Variants in KDM3A observed in about 807,000 individuals in gnomAD.
The protein encoded by KDM3A is lysine demethylase 3A, also known as lysine-specific demethylase 3A.
A neutral mutation model predicts 158.0 loss-of-function variants in KDM3A; 60 were observed. The observed-to-expected ratio is 0.38, with a 90% CI of 0.31 to 0.47. The LOEUF is 0.47. Among genes scored for constraint, KDM3A ranks in the 20% least tolerant of loss-of-function variants. The pLI, the probability that KDM3A is intolerant of heterozygous loss-of-function variation, is 0.99. For synonymous variants in KDM3A, 608 were observed against 549.3 expected (o/e 1.11, Z -1.49); for missense variants, 1,319 against 1,574.3 (o/e 0.84, Z 2.74).
intron 10 of KDM3A, among the ~76,000 whole-genome samples, chr2:86,469,397 G>C (rs912048900): frequency 6.6e-6 from 1 of 152,066 alleles, no homozygotes; most frequent in African/African-American, 2.4e-5. Context: ...GGTCTTTTCT[G>C]TTTTCTATGA....
chr2:86,475,445 T>C (rs1673619922), intron 12 of KDM3A, among the ~76,000 whole-genome samples: 1 of 152,132 alleles, frequency 6.6e-6, no homozygotes, highest in Non-Finnish European at 1.5e-5. Flanking sequence ...TGGAAATGAT[T>C]GTTAGAGTCA....
chr2:86,479,912 T>C (rs763643832), intron 15 of KDM3A: 6 of 495,320 alleles, frequency 1.2e-5, no homozygotes, highest in East Asian at 7.6e-5. Context: ...TAGGGATATG[T>C]ACCAGCAGGG....
intron 8 of KDM3A, among the ~76,000 whole-genome samples, chr2:86,461,069 AAATTGATTTC>A (rs143940077): frequency 0.14 from 21,739 of 152,078 alleles, 1,776 homozygotes; most frequent in African/African-American, 0.22. Context: ...CTCATCTCTA[AAATTGATTTC>A]AGCGCCAGGC....
chr2:86,463,944 T>C (rs921518886), intron 8 of KDM3A, 109 bp from the exon 9 acceptor site: 43 of 700,902 alleles, frequency 6.1e-5, no homozygotes, highest in Admixed American at 6.2e-5. Context: ...TATTTGGCAA[T>C]GGTATTATGT....
chr2:86,440,213 A>C (rs941136622), upstream of KDM3A, among the ~76,000 whole-genome samples: 1 of 152,214 alleles, frequency 6.6e-6, no homozygotes, highest in African/African-American at 2.4e-5. Flanking sequence ...AAAACTTAAA[A>C]TCACATTCAG....
chr2:86,451,691 G>T (rs1478729557), intron 4 of KDM3A, among the ~76,000 whole-genome samples: 1 of 152,080 alleles, frequency 6.6e-6, no homozygotes, highest in Non-Finnish European at 1.5e-5. Context: ...TATTGATGTT[G>T]ACTGCTCTAA....
intron 4 of KDM3A, among the ~76,000 whole-genome samples, chr2:86,454,795 T>C (rs1238747802): frequency 6.6e-6 from 1 of 152,222 alleles, no homozygotes; most frequent in East Asian, 1.9e-4. Flanking sequence ...TTTTTTCCCA[T>C]TGCCAAAGTT....
intron 1 of KDM3A, 24 bp from the exon 2 acceptor site, chr2:86,441,994 C>T (rs1323261291): frequency 6.3e-6 from 10 of 1,577,532 alleles, no homozygotes; most frequent in African/African-American, 4.1e-5. Context: ...GCCCCCGTCG[C>T]ATTTTGTTTT....
At chr2:86,464,242 T>G in intron 9 of KDM3A, 26 bp downstream of exon 9, 1 of 1,434,302 alleles carries the variant, frequency 7.0e-7, no homozygotes, top group East Asian at 2.5e-5. Context: ...TTAAAGATGT[T>G]TAATTATAAT....
chr2:86,466,966 T>C (rs910640733), intron 10 of KDM3A, 83 bp downstream of exon 10: 8 of 1,152,578 alleles, frequency 6.9e-6, no homozygotes, highest in Non-Finnish European at 9.6e-6. Flanking sequence ...TGAGAAACTA[T>C]GTGAAAATGA....
intron 10 of KDM3A, among the ~76,000 whole-genome samples, chr2:86,469,612 C>A (rs1379267878): frequency 2.0e-5 from 3 of 152,140 alleles, no homozygotes; most frequent in Admixed American, 6.5e-5. Flanking sequence ...TGCTCTTAAT[C>A]CTGCTTGGAC....
chr2:86,480,502 T>C, intron 16 of KDM3A, 140 bp downstream of exon 16: 1 of 717,520 alleles, frequency 1.4e-6, no homozygotes, highest in South Asian at 2.4e-5. Context: ...CAAATGAAAG[T>C]GTTTTTGAAA....
chr2:86,471,554 AC>A (rs1281405601), intron 11 of KDM3A, among the ~76,000 whole-genome samples: 1 of 152,110 alleles, frequency 6.6e-6, no homozygotes, highest in Non-Finnish European at 1.5e-5. Flanking sequence ...GGTTGGACTA[AC>A]TCTAATCATA....
Position 86,463,648 on chromosome 2 carries a change from A to G in KDM3A, c.844-405A>G, listed in dbSNP as rs924877447. ...TCCTATGTGGTCTGGTCTCCTGCCAAACTATGCAGTAAGTGCGTGGTGGGC... is the reference window on the plus strand; with the variant it reads ...TCCTATGTGGTCTGGTCTCCTGCCAGACTATGCAGTAAGTGCGTGGTGGGC... On this transcript the variant is annotated intron_variant, in intron 8 of 25. Transcript: ENST00000312912. Among the ~76,000 whole-genome samples the G allele has an allele frequency of 3.9e-5, 6 of 152,336 alleles. No individual in the cohort carries two copies. The East Asian group carries it at 1.2e-3, about 29-fold the overall frequency.
At position 86,466,380 on chromosome 2, in the gene KDM3A, A is replaced by G. The variant is rs756554104; in HGVS notation, c.1016A>G (p.Lys339Arg). The G allele has an allele frequency of 4.4e-6, 7 of 1,608,166 alleles. No homozygotes were observed. Among genetic ancestry groups the G allele is most frequent in the Non-Finnish European group, 5.1e-6 (6 of 1,177,326 alleles). ...TATATTATATTTTTCAGATGTCATA[A>G]ACAAAGTTTACCAGAGGAAATTTCT... ...LGAKIPQGCH[K>R]QSLPEEISSC... The change falls in exon 10 of 26, where the codon AAA becomes AGA. Residue 339 changes from lysine to arginine, a missense_variant. By Grantham distance (26) the Lys-to-Arg change is conservative. Around this residue, in one of 4 missense-constraint regions of KDM3A, gnomAD observed 652 missense variants for 627.2 expected, o/e 1.04. Transcript: ENST00000312912.
intron 10 of KDM3A, among the ~76,000 whole-genome samples, chr2:86,469,036 C>A (rs2104670341): frequency 6.6e-6 from 1 of 152,234 alleles, no homozygotes; most frequent in South Asian, 2.1e-4. Context: ...AAATTACATC[C>A]TTGAACTACT....
chr2:86,490,394 T>C (rs1054765617), intron 23 of KDM3A: 1 of 153,230 alleles, frequency 6.5e-6, no homozygotes, highest in Non-Finnish European at 1.5e-5. Flanking sequence ...ATCATTTGGC[T>C]CTTCCAGAAA....
rs1296996143 is a variant in KDM3A, at chr2:86,482,635, C to G, written c.2863C>G (p.Gln955Glu). ...TTGTGATAATCGCTTGCTGTGCTTGCAAGACCCCAACAATAAGAGCAACTG... is the reference window on the plus strand; with the variant it reads ...TTGTGATAATCGCTTGCTGTGCTTGGAAGACCCCAACAATAAGAGCAACTG... Reference protein sequence around the residue: ...WLCDNRLLCLQDPNNKSNWNV... With the variant: ...WLCDNRLLCLEDPNNKSNWNV... The change falls in exon 18 of 26, where the codon CAA (glutamine) becomes GAA (glutamate). Residue 955 changes from glutamine to glutamate, a missense_variant. This residue lies in a region of KDM3A where 368 missense variants were observed against 415.8 expected (regional missense o/e 0.89). Transcript: ENST00000312912. 2 of 1,614,104 alleles carry G rather than the reference C, an allele frequency of 1.2e-6. No individual in the cohort carries two copies. Among genetic ancestry groups the G allele is most frequent in the Non-Finnish European group, 1.7e-6 (2 of 1,180,010 alleles).
intron 4 of KDM3A, among the ~76,000 whole-genome samples, chr2:86,453,787 G>T (rs1413974853): frequency 6.6e-6 from 1 of 152,162 alleles, no homozygotes; most frequent in Non-Finnish European, 1.5e-5. Context: ...CATTTTTCCA[G>T]CACAGCTTCT....
Sources: allele counts gnomAD v4.1 joint callset (sites outside exome capture counted in the v4.1 genomes callset), GRCh38; gene constraint gnomAD v4.1.1; regional missense constraint gnomAD v4.1.1; transcripts MANE v1.5; gene names NCBI Gene and HGNC (gene_info 2026-07-23, HGNC 2026-07-21).